SNAP91: variants seen among roughly 807,000 people sequenced by gnomAD.
SNAP91 encodes synaptosome associated protein 91.
In SNAP91, 27 loss-of-function variants were observed where a neutral mutation model predicts 100.3. That is an observed-to-expected ratio of 0.27 (90% CI 0.20 to 0.37). The LOEUF (loss-of-function observed/expected upper bound fraction) is 0.37, where lower values mean the gene tolerates loss of function less well. Ranked by LOEUF, SNAP91 falls within the 10% of genes least tolerant of loss-of-function variation. SNAP91 has a pLI of 1.00. For missense variants in SNAP91, 986 were observed against 1,123.7 expected, an observed-to-expected ratio of 0.88 and a Z score of 1.75; for synonymous variants, 404 against 398.6, an observed-to-expected ratio of 1.01 and a Z score of -0.16.
In SNAP91 at chr6:83,593,522, G is replaced by A. The variant is rs1382809825; in HGVS notation, c.1652C>T (p.Ala551Val). The change falls in exon 18 of 30, where the codon GCT becomes GTT. Residue 551 changes from alanine to valine, a missense_variant. Ala to Val is a moderately conservative substitution (Grantham distance 64). Transcript: ENST00000369694. ...AAATTTTTTS[A>V]ATATTAPPAL... ...AGGAGGAGCAGTGGTGGCGGTGGCA[G>A]CGGAGGTGGTGGTAGTGGTGGTGGC... 2.6e-6 allele frequency: 4 copies of A among 1,552,764 alleles called. No individual in the cohort carries two copies. The highest frequency in any genetic ancestry group is 3.3e-4 in the Middle Eastern group (2 of 5,992).
At chr6:83,583,555 G>T (rs1317406153) in intron 22 of SNAP91, among the ~76,000 whole-genome samples, 1 of 152,064 alleles carries the variant, frequency 6.6e-6, no homozygotes, top group African/African-American at 2.4e-5. Flanking sequence ...CATTGCTACT[G>T]AACAAAAATA....
chr6:83,661,903 C>T (rs1289882163), intron 4 of SNAP91, among the ~76,000 whole-genome samples: 1 of 152,138 alleles, frequency 6.6e-6, no homozygotes, highest in African/African-American at 2.4e-5. Flanking sequence ...ATTCATGCAG[C>T]CATCTGATAA....
chr6:83,668,134 C>T (rs112141274), intron 2 of SNAP91, among the ~76,000 whole-genome samples: 1 of 152,078 alleles, frequency 6.6e-6, no homozygotes, highest in Non-Finnish European at 1.5e-5. Flanking sequence ...AATGAGATAC[C>T]ATCTCACACC....
At chr6:83,631,607 T>C (rs1003563511) in intron 8 of SNAP91, among the ~76,000 whole-genome samples, 2 of 152,204 alleles carry the variant, frequency 1.3e-5, no homozygotes, top group African/African-American at 4.8e-5. Flanking sequence ...TTTTTGTCTT[T>C]TTTAACTGCT....
At chr6:83,607,205 A>G (rs1030090381) in intron 13 of SNAP91, among the ~76,000 whole-genome samples, 1 of 152,092 alleles carries the variant, frequency 6.6e-6, no homozygotes, top group African/African-American at 2.4e-5. Context: ...CAGATTTCTC[A>G]CTACTGTTCT....
At chr6:83,605,886 A>T in intron 13 of SNAP91, 83 bp from the exon 14 acceptor site, 3 of 1,111,596 alleles carry the variant, frequency 2.7e-6, no homozygotes, top group Non-Finnish European at 3.8e-6. Context: ...TGCAGAAATC[A>T]TCAAAGATTT....
chr6:83,552,897 T>C lies in SNAP91; in HGVS notation c.*1399A>G, dbSNP rs767652278. 1 of 152,648 alleles carries C rather than the reference T, an allele frequency of 6.6e-6. No homozygotes were observed. The highest frequency in any genetic ancestry group is 2.4e-5 in the African/African-American group (1 of 41,462). 9.5% of individuals were successfully genotyped at this position (152,648 alleles called of 1,614,324 possible). ...GAGAAACGTTATGTTTGCATTTCTT[T>C]GTTCAAGGTGTTTATTGCATCTCAG... On this transcript the variant is annotated 3_prime_UTR_variant, in exon 30 of 30. Coordinates refer to ENST00000369694, the MANE Select transcript of SNAP91 (RefSeq NM_001242792.2).
intron 21 of SNAP91, among the ~76,000 whole-genome samples, chr6:83,591,955 C>T (rs542125851): frequency 6.6e-6 from 1 of 152,316 alleles, no homozygotes; most frequent in South Asian, 2.1e-4. Flanking sequence ...AACACATTTT[C>T]CAATCCTTCT....
chr6:83,593,385 C>T, intron 18 of SNAP91, 93 bp downstream of exon 18: 3 of 1,518,900 alleles, frequency 2.0e-6, no homozygotes, highest in Non-Finnish European at 2.7e-6. Flanking sequence ...TCTAGAGAAC[C>T]ATTTAATTAC....
intron 12 of SNAP91, 102 bp downstream of exon 12, chr6:83,610,548 C>A: frequency 5.0e-6 from 2 of 400,922 alleles, no homozygotes; most frequent in Non-Finnish European, 9.3e-6. Flanking sequence ...GATGGTTGTA[C>A]AACAATGTTA....
chr6:83,662,574 G>A (rs888138079), intron 3 of SNAP91, among the ~76,000 whole-genome samples, 152 bp from the exon 4 acceptor site: 7 of 150,770 alleles, frequency 4.6e-5, no homozygotes, highest in Non-Finnish European at 4.4e-5. Context: ...TTTCTCTGAG[G>A]GGAAAAAAAG....
intron 2 of SNAP91, among the ~76,000 whole-genome samples, chr6:83,667,831 G>C (rs1161958549): frequency 2.6e-5 from 4 of 152,040 alleles, no homozygotes; most frequent in African/African-American, 7.2e-5. Context: ...TTGACAAATG[G>C]GATCTAATTA....
At chr6:83,570,263 T>G (rs1804505117) in intron 26 of SNAP91, among the ~76,000 whole-genome samples, 1 of 152,120 alleles carries the variant, frequency 6.6e-6, no homozygotes, top group Non-Finnish European at 1.5e-5. Flanking sequence ...AGGTATCTGG[T>G]GGAATAAATT....
chr6:83,618,569 G>T (rs947840146), intron 9 of SNAP91, among the ~76,000 whole-genome samples: 8 of 151,668 alleles, frequency 5.3e-5, no homozygotes, highest in Non-Finnish European at 1.0e-4. Context: ...AAACTATAAA[G>T]AAATGCTCAT....
rs2099417902 is a variant in SNAP91, at chr6:83,709,002, C to G, written c.-188G>C. ...GCCCCGCTCCTCAGCTCCGCGGTCCCGGCGCCCACCGCCCCTGGCCCCTGG... is the reference window on the plus strand; with the variant it reads ...GCCCCGCTCCTCAGCTCCGCGGTCCGGGCGCCCACCGCCCCTGGCCCCTGG... On this transcript the variant is annotated 5_prime_UTR_variant, in exon 1 of 30. Coordinates refer to ENST00000369694, the MANE Select transcript of SNAP91 (RefSeq NM_001242792.2). 1 of 152,438 alleles carries G rather than the reference C, an allele frequency of 6.6e-6. No homozygotes were observed. Among genetic ancestry groups the G allele is most frequent in the South Asian group, 2.1e-4 (1 of 4,872 alleles). The allele number at this position is 152,438 out of a possible 1,614,324, so 9.4% of individuals were successfully genotyped here. A position where few individuals can be genotyped will look rare whatever the true frequency, so the allele number is the denominator to read the frequency against.
intron 16 of SNAP91, among the ~76,000 whole-genome samples, chr6:83,595,572 C>T (rs1479933900): frequency 1.3e-5 from 2 of 152,128 alleles, no homozygotes; most frequent in Admixed American, 6.6e-5. Flanking sequence ...ATAAACATGA[C>T]AGGCTTAGGA....
intron 2 of SNAP91, among the ~76,000 whole-genome samples, chr6:83,691,378 G>T (rs2099128222): frequency 6.6e-6 from 1 of 151,936 alleles, no homozygotes; most frequent in African/African-American, 2.4e-5. Context: ...TCTGTTATAT[G>T]GTTCTACTCA....
At chr6:83,671,777 C>A (rs555403338) in intron 2 of SNAP91, among the ~76,000 whole-genome samples, 5 of 152,108 alleles carry the variant, frequency 3.3e-5, no homozygotes, top group African/African-American at 1.2e-4. Flanking sequence ...ATAAATAGTT[C>A]TCAAATTTGT....
intron 2 of SNAP91, among the ~76,000 whole-genome samples, chr6:83,700,119 T>G (rs541968615): frequency 1.3e-5 from 2 of 152,112 alleles, no homozygotes; most frequent in Admixed American, 1.3e-4. Context: ...AAGACAGAAG[T>G]AGGTGATTGA....
Sources: allele counts gnomAD v4.1 joint callset (sites outside exome capture counted in the v4.1 genomes callset), GRCh38; gene constraint gnomAD v4.1.1; transcripts MANE v1.5; gene names NCBI Gene and HGNC (gene_info 2026-07-23, HGNC 2026-07-21).